Variants in IL1RAPL1 observed in about 807,000 individuals in gnomAD.
IL1RAPL1 encodes interleukin 1 receptor accessory protein like 1, also known as interleukin-1 receptor accessory protein-like 1.
Under a neutral mutation model 48.4 loss-of-function variants are expected in IL1RAPL1, and 3 were observed. That is an observed-to-expected ratio of 0.06 (90% CI 0.03 to 0.16). IL1RAPL1 has a LOEUF of 0.16. IL1RAPL1 is among the 10% of genes least tolerant of loss of function. IL1RAPL1 has a pLI of 1.00. For missense variants in IL1RAPL1, 349 were observed against 530.6 expected, an observed-to-expected ratio of 0.66 and a Z score of 3.36; for synonymous variants, 185 against 187.7, an observed-to-expected ratio of 0.99 and a Z score of 0.12.
rs769445299 is a variant in IL1RAPL1, at chrX:28,895,006, G to A, written c.82+105581G>A. ...AGCTTTGCGGCAGTACAGCCCAGGT[G>A]ATTTGCTGAGCCTGATGGGTGTCAG... On this transcript the variant is annotated intron_variant, in intron 2 of 10. Coordinates refer to ENST00000378993, the MANE Select transcript of IL1RAPL1 (RefSeq NM_014271.4). Among the ~76,000 whole-genome samples, 1,054 of 109,907 alleles carry A rather than the reference G, an allele frequency of 9.6e-3. 13 individuals carry two copies. Among genetic ancestry groups the A allele is most frequent in the African/African-American group, 0.033 (986 of 30,231 alleles).
chrX:29,453,557 A>G (rs1934704554), intron 5 of IL1RAPL1, among the ~76,000 whole-genome samples: 1 of 111,550 alleles, frequency 9.0e-6, no homozygotes, highest in Admixed American at 9.5e-5. Context: ...TGACCTTGAA[A>G]TGAGTATAAG....
chrX:29,307,450 TAATAA>T (rs1274651292), intron 3 of IL1RAPL1, among the ~76,000 whole-genome samples: 1 of 111,347 alleles, frequency 9.0e-6, no homozygotes, highest in East Asian at 2.8e-4. Context: ...AAATAAATTT[TAATAA>T]AATAAAGAGA....
chrX:28,935,728 A>G (rs1464545799), intron 2 of IL1RAPL1, among the ~76,000 whole-genome samples: 2 of 112,002 alleles, frequency 1.8e-5, no homozygotes, highest in Non-Finnish European at 3.8e-5. Flanking sequence ...GTCAAGGAGA[A>G]TAATTTATGA....
At chrX:28,969,904 C>CACATATATATGTTTCTAA (rs1555947907) in intron 2 of IL1RAPL1, among the ~76,000 whole-genome samples, 8 of 43,011 alleles carry the variant, frequency 1.9e-4, no homozygotes, top group African/African-American at 3.0e-4. Flanking sequence ...TGTTTCTAAA[C>CACATATATATGTTTCTAA]ACACATATAT....
At chrX:28,684,921 G>A (rs960504735) in intron 1 of IL1RAPL1, among the ~76,000 whole-genome samples, 13 of 111,679 alleles carry the variant, frequency 1.2e-4, no homozygotes, top group African/African-American at 4.2e-4. Flanking sequence ...ACCTTAAAAT[G>A]AGTCATTTCA....
rs1933415841 is a variant in IL1RAPL1, at chrX:29,956,082, A to C, written c.*262A>C. 3 of 386,728 alleles carry C rather than the reference A, an allele frequency of 7.8e-6. No homozygotes were observed. The highest frequency in any genetic ancestry group is 8.6e-5 in the Admixed American group (2 of 23,242). 31.9% of individuals were successfully genotyped at this position (386,728 alleles called of 1,213,427 possible). Reference sequence around the variant, plus strand: ...ATTTGTAAATTTACATTTTTTTTAAAGAAGAGACTGATGTGTAGATAGAAA... The same window carrying C: ...ATTTGTAAATTTACATTTTTTTTAACGAAGAGACTGATGTGTAGATAGAAA... On this transcript the variant is annotated 3_prime_UTR_variant, in exon 11 of 11. Coordinates refer to ENST00000378993, the MANE Select transcript of IL1RAPL1 (RefSeq NM_014271.4).
chrX:29,756,232 T>A (rs1928609705), intron 6 of IL1RAPL1, among the ~76,000 whole-genome samples: 1 of 111,909 alleles, frequency 8.9e-6, no homozygotes, highest in South Asian at 3.7e-4. Flanking sequence ...ATCTTTAATA[T>A]ATACATAGAT....
chrX:29,071,119 A>G (rs184162410), intron 2 of IL1RAPL1, among the ~76,000 whole-genome samples: 40 of 112,324 alleles, frequency 3.6e-4, no homozygotes, highest in Non-Finnish European at 7.1e-4. Context: ...GAGAAATTCT[A>G]CAAGGTAATC....
chrX:28,826,021 T>A (rs931345770), intron 2 of IL1RAPL1, among the ~76,000 whole-genome samples: 15 of 111,665 alleles, frequency 1.3e-4, no homozygotes, highest in African/African-American at 4.9e-4. Context: ...GAATGCTTAT[T>A]TATAGGCACA....
chrX:29,639,079 G>A (rs1330214962), intron 5 of IL1RAPL1, among the ~76,000 whole-genome samples: 1 of 109,084 alleles, frequency 9.2e-6, no homozygotes, highest in Non-Finnish European at 1.9e-5. Context: ...CCAGCTACTC[G>A]GTAGGCTGAG....
intron 5 of IL1RAPL1, among the ~76,000 whole-genome samples, chrX:29,624,371 G>A (rs1049240983): frequency 3.6e-5 from 4 of 112,138 alleles, no homozygotes; most frequent in Non-Finnish European, 7.5e-5. Flanking sequence ...TTCCTGACTT[G>A]ACTAAATACA....
At chrX:28,638,787 G>A (rs1282255558) in intron 1 of IL1RAPL1, among the ~76,000 whole-genome samples, 2 of 110,877 alleles carry the variant, frequency 1.8e-5, no homozygotes, top group South Asian at 3.8e-4. Context: ...CTATGTGGTC[G>A]TAAATGAATG....
chrX:28,715,658 A>G (rs1435663927), intron 1 of IL1RAPL1, among the ~76,000 whole-genome samples: 2 of 111,776 alleles, frequency 1.8e-5, no homozygotes, highest in Non-Finnish European at 3.8e-5. Context: ...AAACAGACCA[A>G]TAATGAGTTC....
chrX:29,206,104 A>C (rs773708392), intron 2 of IL1RAPL1, among the ~76,000 whole-genome samples: 12 of 111,669 alleles, frequency 1.1e-4, no homozygotes, highest in Non-Finnish European at 2.3e-4. Flanking sequence ...TAGTGGAGAA[A>C]GTAATTACCT....
At chrX:29,297,811 CCTTT>C (rs1260363115) in intron 3 of IL1RAPL1, among the ~76,000 whole-genome samples, 1 of 111,711 alleles carries the variant, frequency 9.0e-6, no homozygotes, top group East Asian at 2.8e-4. Flanking sequence ...GGTAGATCTT[CCTTT>C]ATTTACTTAA....
chrX:29,255,126 T>TGTGTGTGTGTGTGTGTGC, intron 2 of IL1RAPL1, among the ~76,000 whole-genome samples: 1 of 96,510 alleles, frequency 1.0e-5, no homozygotes. Flanking sequence ...AAGGTATTTG[T>TGTGTGTGTGTGTGTGTGC]GTGTGTGTGT....
intron 5 of IL1RAPL1, among the ~76,000 whole-genome samples, chrX:29,489,020 A>G (rs1044892784): frequency 9.0e-6 from 1 of 111,378 alleles, no homozygotes; most frequent in African/African-American, 3.3e-5. Context: ...TTCTGACTCT[A>G]GGTGGTCAGT....
Position 29,938,940 on chromosome X carries a change from C to T in IL1RAPL1, c.1058-2711C>T, listed in dbSNP as rs769183313. 3.7e-4 allele frequency among the ~76,000 whole-genome samples: 42 copies of T among 112,180 alleles called. No homozygotes were observed. In the South Asian group the frequency reaches 0.015, roughly 41 times the overall value. ...TACTACTTTTATTGCTGAGTATATT[C>T]TATCATATGAACATACAATAGTTTG... On this transcript the variant is annotated intron_variant, in intron 8 of 10. Transcript: ENST00000378993.
chrX:29,562,033 A>ATTCT (rs1159982233), intron 5 of IL1RAPL1, among the ~76,000 whole-genome samples: 2 of 71,288 alleles, frequency 2.8e-5, no homozygotes, highest in Non-Finnish European at 5.5e-5. Context: ...TTCTTTTTCA[A>ATTCT]TTCTATCTAT....
Sources: allele counts gnomAD v4.1 joint callset (sites outside exome capture counted in the v4.1 genomes callset), GRCh38; gene constraint gnomAD v4.1.1; transcripts MANE v1.5; gene names NCBI Gene and HGNC (gene_info 2026-07-23, HGNC 2026-07-21).